Variants in ENOSF1 observed in about 807,000 individuals in gnomAD.
ENOSF1 encodes the protein enolase superfamily member 1.
In ENOSF1, 73 loss-of-function variants were observed where a neutral mutation model predicts 68.2. The ratio of observed to expected loss-of-function variants is 1.07; its 90% CI spans 0.89 to 1.30. The LOEUF is 1.30. Ranked by LOEUF, ENOSF1 falls within the 50% of genes most tolerant of loss-of-function variation. The pLI, the probability that ENOSF1 is intolerant of heterozygous loss-of-function variation, is 0.00. For missense variants in ENOSF1, 589 were observed against 554.5 expected, an observed-to-expected ratio of 1.06 and a Z score of -0.62; for synonymous variants, 223 against 210.4, an observed-to-expected ratio of 1.06 and a Z score of -0.52.
In ENOSF1 at chr18:671,843, G is replaced by A. The variant is rs764328867; in HGVS notation, c.*2462C>T. 5.8e-5 allele frequency: 12 copies of A among 205,144 alleles called. No individual in the cohort carries two copies. The highest frequency in any genetic ancestry group is 1.2e-4 in the African/African-American group (5 of 41,808). The allele number at this position is 205,144 out of a possible 1,614,324, so 12.7% of individuals were successfully genotyped here. On this transcript the variant is annotated 3_prime_UTR_variant, in exon 16 of 16. Transcript: ENST00000647584. ...GCCAGGCTGGAGTGTGCCGTGGTGCGATCTCAGCTCACTGCAACCTCCACC... is the reference window on the plus strand; with the variant it reads ...GCCAGGCTGGAGTGTGCCGTGGTGCAATCTCAGCTCACTGCAACCTCCACC...
At chr18:693,986 GCT>G (rs3217714) in intron 4 of ENOSF1, 78 bp from the exon 5 acceptor site, 870,769 of 1,508,322 alleles carry the variant, frequency 0.58, 254,550 homozygotes, top group African/African-American at 0.79. Context: ...CGCGTTGGCA[GCT>G]CTAATGCTGG....
At chr18:683,486 A>G (rs953425252) in intron 10 of ENOSF1, 106 bp from the exon 11 acceptor site, 1 of 1,362,668 alleles carries the variant, frequency 7.3e-7, no homozygotes, top group Middle Eastern at 2.5e-4. Flanking sequence ...CCAACAGCTG[A>G]GTGAGACCCC....
chr18:708,654 T>C (rs549771898), intron 1 of ENOSF1, among the ~76,000 whole-genome samples: 1 of 152,222 alleles, frequency 6.6e-6, no homozygotes, highest in African/African-American at 2.4e-5. Flanking sequence ...GAGCGCTTTA[T>C]GATGAAGACA....
chr18:677,022 T>TACTG (rs2075584314), intron 14 of ENOSF1, among the ~76,000 whole-genome samples: 1 of 152,222 alleles, frequency 6.6e-6, no homozygotes, highest in Non-Finnish European at 1.5e-5. Flanking sequence ...AAGACTCCAG[T>TACTG]ACTGGGAAGA....
At chr18:666,920 GAGA>G (rs761299879), downstream of ENOSF1, among the ~76,000 whole-genome samples, 1,115 of 68,810 alleles carry the variant, frequency 0.016, 213 homozygotes, top group Admixed American at 0.088. Flanking sequence ...GATGGTGATG[GAGA>G]TGGTGATGGT....
chr18:669,013 A>G (rs1470316097), downstream of ENOSF1: 3 of 1,433,454 alleles, frequency 2.1e-6, no homozygotes, highest in Admixed American at 3.4e-5. Flanking sequence ...CTCTAAGGCC[A>G]TCTCATGACA....
At chr18:667,597 ATGGT>A, downstream of ENOSF1, 1 of 103,960 alleles carries the variant, frequency 9.6e-6, no homozygotes, top group African/African-American at 4.8e-5. Context: ...GGTGATGGTG[ATGGT>A]GATGGTGATG....
At chr18:664,837 T>C in the ENOSF1 span, among the ~76,000 whole-genome samples, 2 of 141,072 alleles carry the variant, frequency 1.4e-5, no homozygotes, top group South Asian at 4.8e-4. Flanking sequence ...TTTGTGTATA[T>C]TGAACCAGCC....
At chr18:677,528 T>G in intron 13 of ENOSF1, 84 bp from the exon 14 acceptor site, 1 of 1,272,042 alleles carries the variant, frequency 7.9e-7, no homozygotes, top group Non-Finnish European at 1.1e-6. Context: ...TTTTTCTTAT[T>G]GCCCACAGGT....
At chr18:704,207 G>A (rs1436752290) in intron 2 of ENOSF1, among the ~76,000 whole-genome samples, 4 of 152,002 alleles carry the variant, frequency 2.6e-5, no homozygotes, top group Admixed American at 1.3e-4. Flanking sequence ...GCCAAGGTGG[G>A]CAGATCATTT....
At chr18:667,557 GGT>G (rs1454347387), downstream of ENOSF1, among the ~76,000 whole-genome samples, 7 of 90,632 alleles carry the variant, frequency 7.7e-5, no homozygotes, top group African/African-American at 2.1e-4. Flanking sequence ...TGATGGAGAT[GGT>G]GATGGTGATG....
chr18:669,199 T>C (rs1216146316), downstream of ENOSF1: 1 of 1,592,776 alleles, frequency 6.3e-7, no homozygotes, highest in East Asian at 2.2e-5. Flanking sequence ...TCGTCTTCAT[T>C]TATACTAACC....
intron 2 of ENOSF1, among the ~76,000 whole-genome samples, chr18:698,434 T>A (rs2077974802): frequency 6.6e-6 from 1 of 152,176 alleles, no homozygotes; most frequent in African/African-American, 2.4e-5. Context: ...CTATTAAACA[T>A]TAAATAAAAT....
chr18:694,074 C>T (rs1195869424), intron 4 of ENOSF1, among the ~76,000 whole-genome samples, 166 bp from the exon 5 acceptor site: 3 of 152,180 alleles, frequency 2.0e-5, no homozygotes, highest in African/African-American at 7.2e-5. Context: ...TCTTTCTCCT[C>T]CTCCTGCAGT....
chr18:711,201 A>G (rs2079496546), intron 1 of ENOSF1, among the ~76,000 whole-genome samples: 1 of 152,196 alleles, frequency 6.6e-6, no homozygotes, highest in Non-Finnish European at 1.5e-5. Context: ...TTTAAAACAT[A>G]AAATAGAATA....
At chr18:696,408 T>G (rs1015645604) in intron 3 of ENOSF1, among the ~76,000 whole-genome samples, 7 of 151,830 alleles carry the variant, frequency 4.6e-5, no homozygotes, top group Non-Finnish European at 1.0e-4. Flanking sequence ...AGACGGGGTT[T>G]CACCATGTTA....
Position 688,561 on chromosome 18 carries a change from T to C in ENOSF1, c.653+13A>G. 3.1e-6 allele frequency: 5 copies of C among 1,613,974 alleles called. No individual in the cohort carries two copies. The highest frequency in any genetic ancestry group is 1.1e-5 in the South Asian group (1 of 91,080). On this transcript the variant is annotated intron_variant, in intron 9 of 15. Coordinates refer to ENST00000647584, the MANE Select transcript of ENOSF1 (RefSeq NM_017512.7). ...CCGCCAACTGGGAAAGTCAGGTCCA[T>C]CATCACACTCACCTGGTCCAGCCAT...
Position 694,194 on chromosome 18 carries a change from A to C in ENOSF1, c.396+54T>G, listed in dbSNP as rs964732015. 3.3e-6 allele frequency: 5 copies of C among 1,537,346 alleles called. No homozygotes were observed. In the East Asian group the frequency reaches 6.8e-5, roughly 21 times the overall value. ...CTGTCTTTCCTCTGTGCGTAGGGAA[A>C]GTCAGTGTCGTACAGCTCCCAGGAG... On this transcript the variant is annotated intron_variant, in intron 4 of 15. Transcript: ENST00000647584.
At chr18:677,242 A>G in intron 14 of ENOSF1, 103 bp downstream of exon 14, 1 of 924,404 alleles carries the variant, frequency 1.1e-6, no homozygotes, top group Non-Finnish European at 1.7e-6. Flanking sequence ...ATGCCAGCGG[A>G]CAAGGTCTTA....
Sources: gnomAD v4.1 joint callset for allele counts (sites outside exome capture counted in the v4.1 genomes callset) on GRCh38, gnomAD v4.1.1 for gene constraint, MANE v1.5 for transcripts, NCBI Gene and HGNC (gene_info 2026-07-23, HGNC 2026-07-21) for gene names.